Variants in AOPEP observed in about 807,000 individuals in gnomAD.
AOPEP encodes the protein aminopeptidase O.
A neutral mutation model predicts 98.1 loss-of-function variants in AOPEP; 77 were observed. The observed-to-expected ratio is 0.78, with a 90% CI of 0.65 to 0.95. The LOEUF is 0.95. Ranked by LOEUF, AOPEP falls within the 40% of genes least tolerant of loss-of-function variation. AOPEP has a pLI of 0.00. For missense variants in AOPEP, 1,024 were observed against 1,024.7 expected (o/e 1.00, Z 0.01); for synonymous variants, 346 against 365.3 (o/e 0.95, Z 0.60).
chr9:94,761,294 T>C (rs1009709138), intron 2 of AOPEP, among the ~76,000 whole-genome samples: 1 of 152,230 alleles, frequency 6.6e-6, no homozygotes, highest in Non-Finnish European at 1.5e-5. Flanking sequence ...CAGACCTTGC[T>C]CTAACAATTG....
chr9:94,872,796 G>T (rs1237280660), intron 5 of AOPEP, among the ~76,000 whole-genome samples: 1 of 152,160 alleles, frequency 6.6e-6, no homozygotes, highest in African/African-American at 2.4e-5. Flanking sequence ...CGTGAAAGAT[G>T]AACAAACAGC....
At chr9:95,136,980 C>G in the AOPEP span, among the ~76,000 whole-genome samples, 1 of 152,154 alleles carries the variant, frequency 6.6e-6, no homozygotes, top group Admixed American at 6.5e-5. Flanking sequence ...ACCTGCACAT[C>G]CCAGACAGTG....
At position 94,751,739 on chromosome 9, in the gene AOPEP, A is replaced by C. The variant is rs138371313; in HGVS notation, c.-135-7910A>C. Among the ~76,000 whole-genome samples the C allele has an allele frequency of 2.7e-3, 409 of 151,620 alleles. 2 individuals carry two copies. Among genetic ancestry groups the C allele is most frequent in the African/African-American group, 9.4e-3 (387 of 41,242 alleles). On this transcript the variant is annotated intron_variant, in intron 1 of 16. Coordinates refer to ENST00000375315, the MANE Select transcript of AOPEP (RefSeq NM_001193329.3). Reference sequence around the variant, plus strand: ...TACAATGAAGAATACCCTACATGAAAATTTCTTTTTTTTTTTTTTAACTGA... The same window carrying C: ...TACAATGAAGAATACCCTACATGAACATTTCTTTTTTTTTTTTTTAACTGA...
At chr9:94,819,946 C>CTTTTTTTTTT (rs11423201) in intron 5 of AOPEP, among the ~76,000 whole-genome samples, 2 of 121,584 alleles carry the variant, frequency 1.6e-5, no homozygotes, top group Non-Finnish European at 3.3e-5. Flanking sequence ...TAGTGCAATT[C>CTTTTTTTTTT]TTTTTTTTTT....
At chr9:95,140,889 A>G in the AOPEP span, among the ~76,000 whole-genome samples, 1 of 152,282 alleles carries the variant, frequency 6.6e-6, no homozygotes, top group East Asian at 1.9e-4. Flanking sequence ...ACCAACAAGC[A>G]GAAGAAATGT....
chr9:95,068,623 A>T (rs2134033903), intron 14 of AOPEP, among the ~76,000 whole-genome samples: 1 of 152,344 alleles, frequency 6.6e-6, no homozygotes, highest in Non-Finnish European at 1.5e-5. Context: ...CCCTTGAGGT[A>T]TAAAAATTTT....
chr9:95,107,275 CA>C, the AOPEP span: 1 of 1,612,766 alleles, frequency 6.2e-7, no homozygotes, highest in Non-Finnish European at 8.5e-7. Context: ...TGGACCTGGG[CA>C]ATAGTATTTC....
intron 5 of AOPEP, among the ~76,000 whole-genome samples, chr9:94,822,198 A>C (rs1329395783): frequency 6.6e-6 from 1 of 151,878 alleles, no homozygotes; most frequent in Non-Finnish European, 1.5e-5. Context: ...TGTGTCACAC[A>C]CTCTAGCCCC....
At chr9:95,146,054 T>C in the AOPEP span, among the ~76,000 whole-genome samples, 2 of 152,062 alleles carry the variant, frequency 1.3e-5, no homozygotes, top group Non-Finnish European at 2.9e-5. Flanking sequence ...CCTGACTAGA[T>C]ATGTGATGAT....
At chr9:94,929,028 T>C (rs1259506122) in intron 7 of AOPEP, among the ~76,000 whole-genome samples, 3 of 152,210 alleles carry the variant, frequency 2.0e-5, no homozygotes, top group African/African-American at 4.8e-5. Context: ...CTCCTGAGTT[T>C]TGTTTGTAGA....
intron 5 of AOPEP, among the ~76,000 whole-genome samples, chr9:94,882,296 TAGTC>T (rs1237908748): frequency 6.6e-6 from 1 of 152,246 alleles, no homozygotes; most frequent in Admixed American, 6.5e-5. Context: ...GTCATGTTCT[TAGTC>T]TGTTGTTTAA....
intron 13 of AOPEP, among the ~76,000 whole-genome samples, chr9:95,050,064 G>T (rs1029214500): frequency 2.0e-5 from 3 of 152,198 alleles, no homozygotes; most frequent in African/African-American, 4.8e-5. Context: ...TGCCATAAAA[G>T]AACATTTTTA....
chr9:94,763,256 A>G (rs1838790075), intron 2 of AOPEP: 2 of 227,388 alleles, frequency 8.8e-6, no homozygotes, highest in Admixed American at 5.8e-5. Flanking sequence ...TTTAAAACAT[A>G]AATTTATTAT....
downstream of AOPEP, among the ~76,000 whole-genome samples, chr9:95,087,722 A>G (rs545606504): frequency 1.2e-3 from 176 of 152,200 alleles, no homozygotes; most frequent in African/African-American, 4.0e-3. Flanking sequence ...CTTTCTCCAC[A>G]AGGTTTAGGG....
At chr9:95,014,545 C>T (rs758757999) in intron 13 of AOPEP, among the ~76,000 whole-genome samples, 3 of 152,054 alleles carry the variant, frequency 2.0e-5, no homozygotes, top group Non-Finnish European at 4.4e-5. Context: ...GATGTTCTGT[C>T]TGTGAAAAGT....
At chr9:94,778,642 C>T (rs1049778490) in intron 3 of AOPEP, among the ~76,000 whole-genome samples, 4 of 152,152 alleles carry the variant, frequency 2.6e-5, no homozygotes, top group Middle Eastern at 3.4e-3. Flanking sequence ...AAGGGTACAG[C>T]GGAATTTCTG....
intron 16 of AOPEP, chr9:95,085,585 G>A (rs2070550416): frequency 2.3e-6 from 1 of 442,174 alleles, no homozygotes; most frequent in Non-Finnish European, 4.6e-6. Flanking sequence ...AGAGGCCGTT[G>A]CTGACGGGCC....
At chr9:95,136,751 T>C in the AOPEP span, among the ~76,000 whole-genome samples, 1 of 152,188 alleles carries the variant, frequency 6.6e-6, no homozygotes, top group East Asian at 1.9e-4. Flanking sequence ...CCCAAAATGT[T>C]GGGAATACAG....
chr9:95,110,404 A>T, the AOPEP span: 2 of 1,024,504 alleles, frequency 2.0e-6, no homozygotes, highest in Non-Finnish European at 2.3e-6. Context: ...ATTACTGTTA[A>T]AAACATCAAC....
Sources: allele counts gnomAD v4.1 joint callset (sites outside exome capture counted in the v4.1 genomes callset), GRCh38; gene constraint gnomAD v4.1.1; transcripts MANE v1.5; gene names NCBI Gene and HGNC (gene_info 2026-07-23, HGNC 2026-07-21).